The following VEPH1 variants were observed in gnomAD, a reference collection of about 807,000 sequenced individuals.
VEPH1 encodes ventricular zone expressed PH domain containing 1, also known as ventricular zone-expressed PH domain-containing protein homolog 1.
A neutral mutation model predicts 85.2 loss-of-function variants in VEPH1; 80 were observed. That is an observed-to-expected ratio of 0.94 (90% confidence interval 0.78 to 1.13). The LOEUF is 1.13. VEPH1 is among the 50% of genes most tolerant of loss of function. The probability of loss-of-function intolerance (pLI) is 0.00; values close to 1 mark genes in which losing one functional copy is unlikely to be tolerated. For synonymous variants in VEPH1, 297 were observed against 348.0 expected, an observed-to-expected ratio of 0.85 and a Z score of 1.63; for missense variants, 955 against 980.5, an observed-to-expected ratio of 0.97 and a Z score of 0.35.
At chr3:157,411,460 C>T (rs1280403665) in intron 6 of VEPH1, among the ~76,000 whole-genome samples, 1 of 152,194 alleles carries the variant, frequency 6.6e-6, no homozygotes, top group Non-Finnish European at 1.5e-5. Context: ...AGAGAAAGCA[C>T]CTTAAATATT....
chr3:157,371,474 CCTACT>C (rs1426096320), intron 7 of VEPH1, among the ~76,000 whole-genome samples: 1 of 152,192 alleles, frequency 6.6e-6, no homozygotes, highest in Non-Finnish European at 1.5e-5. Context: ...CCCTGCTTTT[CCTACT>C]CAAAGTGAGA....
At chr3:157,360,299 A>T (rs1424383541) in intron 9 of VEPH1, among the ~76,000 whole-genome samples, 2 of 152,184 alleles carry the variant, frequency 1.3e-5, no homozygotes, top group Non-Finnish European at 2.9e-5. Flanking sequence ...GATCCTTCAC[A>T]CATATCTCTG....
intron 4 of VEPH1, among the ~76,000 whole-genome samples, chr3:157,429,127 A>G (rs896114354): frequency 4.1e-4 from 62 of 152,358 alleles, no homozygotes; most frequent in African/African-American, 1.4e-3. Context: ...CAAAACCTCA[A>G]GAAAACTATT....
intron 2 of VEPH1, among the ~76,000 whole-genome samples, chr3:157,490,928 C>T (rs984661381): frequency 3.2e-4 from 49 of 152,124 alleles, no homozygotes; most frequent in African/African-American, 1.1e-3. Context: ...TAAGGGAATA[C>T]TCTGCCTCAG....
At chr3:157,342,122 G>A (rs1277239856) in intron 9 of VEPH1, among the ~76,000 whole-genome samples, 2 of 152,108 alleles carry the variant, frequency 1.3e-5, no homozygotes, top group Non-Finnish European at 2.9e-5. Flanking sequence ...ATCAACTAAC[G>A]AGCAAAATAA....
intron 3 of VEPH1, among the ~76,000 whole-genome samples, chr3:157,463,062 C>A (rs1288413546): frequency 2.6e-5 from 4 of 152,118 alleles, no homozygotes; most frequent in Non-Finnish European, 5.9e-5. Context: ...ATCTGAGAGA[C>A]CAGATCCTGG....
Position 157,428,487 on chromosome 3 carries a change from A to G in VEPH1, c.531T>C (p.Gly177=). Reference sequence around the variant, plus strand: ...GTAACACTCTCAACAACATGGTGTTACCTGTTGAGGGAACAATAAAGGGAA... The same window carrying G: ...GTAACACTCTCAACAACATGGTGTTGCCTGTTGAGGGAACAATAAAGGGAA... ...TEVIVKSILQ[G]NTMLLRVLPA... is the part of the protein sequence containing the mutation. The change falls in exon 5 of 14, where the codon GGT becomes GGC. Residue 177 remains glycine (G), a splice_region_variant and synonymous_variant. Coordinates refer to ENST00000362010, the MANE Select transcript of VEPH1 (RefSeq NM_001167912.2). 6.2e-7 allele frequency: 1 copy of G among 1,613,328 alleles called. No homozygotes were observed. The highest frequency in any genetic ancestry group is 8.5e-7 in the Non-Finnish European group (1 of 1,179,778).
chr3:157,344,818 C>A (rs1202859386), intron 9 of VEPH1, among the ~76,000 whole-genome samples: 1 of 152,100 alleles, frequency 6.6e-6, no homozygotes, highest in African/African-American at 2.4e-5. Flanking sequence ...GTACTGGTAC[C>A]AAAACAGAGA....
In VEPH1 at chr3:157,442,954, A is replaced by G. The variant is rs370501633; in HGVS notation, c.530-14466T>C. 8.6e-5 allele frequency: 138 copies of G among 1,612,248 alleles called. No individual in the cohort carries two copies. Among genetic ancestry groups the G allele is most frequent in the Non-Finnish European group, 1.1e-4 (133 of 1,178,906 alleles). On this transcript the variant is annotated intron_variant, in intron 4 of 13. Coordinates refer to ENST00000362010, the MANE Select transcript of VEPH1 (RefSeq NM_001167912.2). Reference sequence around the variant, plus strand: ...TGGGGAGTCACAGAGATCCAGCCACATGGAGGAGCTCAGTATGTTTCATAA... The same window carrying G: ...TGGGGAGTCACAGAGATCCAGCCACGTGGAGGAGCTCAGTATGTTTCATAA...
At chr3:157,421,295 G>A (rs1448557776) in intron 5 of VEPH1, among the ~76,000 whole-genome samples, 2 of 152,100 alleles carry the variant, frequency 1.3e-5, no homozygotes, top group Admixed American at 1.3e-4. Flanking sequence ...GGAAAGCCAT[G>A]CTATCCCAGG....
At position 157,265,633 on chromosome 3, in the gene VEPH1, C is replaced by G; in HGVS notation, c.2158G>C (p.Glu720Gln). Residue 720 changes from glutamate (E) to glutamine (Q), a missense_variant, in exon 13 of 14, where the codon GAA becomes CAA. By Grantham distance (29) the Glu-to-Gln change is conservative. Coordinates refer to ENST00000362010, the MANE Select transcript of VEPH1 (RefSeq NM_001167912.2). ...ACTTGCTTCTCTTTAAGTTTTCCTT[C>G]TATGAGAGGCTGGCCATCTTGATTT... The part of the protein sequence containing the change: ...VVNQDGQPLI[E>Q]GKLKEKQVRW... The G allele has an allele frequency of 1.2e-6, 2 of 1,613,490 alleles. No individual in the cohort carries two copies. The highest frequency in any genetic ancestry group is 1.1e-5 in the South Asian group (1 of 91,010).
At chr3:157,331,224 C>T (rs963967010) in intron 9 of VEPH1, among the ~76,000 whole-genome samples, 2 of 152,192 alleles carry the variant, frequency 1.3e-5, no homozygotes, top group Admixed American at 6.5e-5. Context: ...GGACATTATT[C>T]CCACAGGCCA....
At chr3:157,359,266 A>T (rs1299567702) in intron 9 of VEPH1, among the ~76,000 whole-genome samples, 4 of 152,188 alleles carry the variant, frequency 2.6e-5, no homozygotes, top group Non-Finnish European at 5.9e-5. Context: ...TTTGACCTCT[A>T]ATCAGCTTTG....
intron 12 of VEPH1, among the ~76,000 whole-genome samples, chr3:157,282,491 T>C (rs1395391497): frequency 1.3e-5 from 2 of 152,234 alleles, no homozygotes; most frequent in Non-Finnish European, 2.9e-5. Context: ...CTTCTACTGA[T>C]GATCACATTC....
intron 6 of VEPH1, among the ~76,000 whole-genome samples, chr3:157,384,206 T>C (rs1729062791): frequency 6.6e-6 from 1 of 152,282 alleles, no homozygotes; most frequent in South Asian, 2.1e-4. Flanking sequence ...GTAAATAGTG[T>C]ACTTAGGACA....
rs964045500 is a variant in VEPH1 at position 157,383,610 on chromosome 3, T to C, written c.907-2234A>G. On this transcript the variant is annotated intron_variant, in intron 6 of 13. Coordinates refer to ENST00000362010, the MANE Select transcript of VEPH1 (RefSeq NM_001167912.2). ...GTACAGTTGCACTGGAACATATCTC[T>C]TGGGGTAAATGGGGTACTTCTGCCA... Among the ~76,000 whole-genome samples, 3 of 152,356 alleles carry C rather than the reference T, an allele frequency of 2.0e-5. No homozygotes were observed. In the East Asian group the frequency reaches 5.8e-4, roughly 29 times the overall value.
At chr3:157,473,146 C>T (rs2109494490) in intron 2 of VEPH1, among the ~76,000 whole-genome samples, 1 of 139,200 alleles carries the variant, frequency 7.2e-6, no homozygotes, top group Admixed American at 8.0e-5. Flanking sequence ...GATCTCAGGT[C>T]ACTGCCACTT....
chr3:157,494,248 G>C lies in VEPH1; in HGVS notation c.138+964C>G, dbSNP rs762208077. ...TATCTTCTTTGTAACACAGAAGAGC[G>C]CTGTTGTTTCTGAAATATGCACACA... On this transcript the variant is annotated intron_variant, in intron 2 of 13. Transcript: ENST00000362010. Among the ~76,000 whole-genome samples, 3 of 152,174 alleles carry C rather than the reference G, an allele frequency of 2.0e-5. No homozygotes were observed. In the East Asian group the frequency reaches 5.8e-4, roughly 29 times the overall value.
chr3:157,473,272 C>A (rs1737146734), intron 2 of VEPH1, among the ~76,000 whole-genome samples: 1 of 151,764 alleles, frequency 6.6e-6, no homozygotes, highest in Non-Finnish European at 1.5e-5. Context: ...CAGGGTTTCA[C>A]CATGTTAGTC....
Sources: gnomAD v4.1 joint callset for allele counts (sites outside exome capture counted in the v4.1 genomes callset) on GRCh38, gnomAD v4.1.1 for gene constraint, MANE v1.5 for transcripts, NCBI Gene and HGNC (gene_info 2026-07-23, HGNC 2026-07-21) for gene names.